Variants in OSBPL5 observed in about 807,000 individuals in gnomAD.
OSBPL5 encodes oxysterol binding protein like 5.
OSBPL5 carries 71 observed loss-of-function variants against 111.2 expected under a neutral mutation model. That is an observed-to-expected ratio of 0.64 (90% CI 0.53 to 0.78). The LOEUF is 0.78. Among genes scored for constraint, OSBPL5 ranks in the 30% least tolerant of loss-of-function variants. The pLI, the probability that OSBPL5 is intolerant of heterozygous loss-of-function variation, is 0.00. For missense variants in OSBPL5, 1,210 were observed against 1,189.3 expected (o/e 1.02, Z -0.26); for synonymous variants, 549 against 513.9 (o/e 1.07, Z -0.93).
intron 3 of OSBPL5, among the ~76,000 whole-genome samples, chr11:3,123,803 T>G (rs950211722): frequency 6.6e-6 from 1 of 152,202 alleles, no homozygotes; most frequent in Non-Finnish European, 1.5e-5. Flanking sequence ...TCTCCAGCCA[T>G]GCATAAGGTG....
At chr11:3,098,796 A>T (rs1857364068) in intron 14 of OSBPL5, among the ~76,000 whole-genome samples, 1 of 149,932 alleles carries the variant, frequency 6.7e-6, no homozygotes, top group South Asian at 2.1e-4. Context: ...TGAGCCACTG[A>T]GCCCAGCAAA....
At chr11:3,118,036 C>T (rs1341117249) in intron 7 of OSBPL5, among the ~76,000 whole-genome samples, 1 of 152,194 alleles carries the variant, frequency 6.6e-6, no homozygotes, top group African/African-American at 2.4e-5. Context: ...AATGAGCTTT[C>T]CTAATAACTT....
chr11:3,155,751 T>C (rs990821676), intron 1 of OSBPL5, among the ~76,000 whole-genome samples: 2 of 152,252 alleles, frequency 1.3e-5, no homozygotes, highest in Admixed American at 1.3e-4. Context: ...TTCACTTCCA[T>C]TTAACCCAGC....
At chr11:3,153,550 C>T (rs550344831) in intron 1 of OSBPL5, among the ~76,000 whole-genome samples, 259 of 152,278 alleles carry the variant, frequency 1.7e-3, no homozygotes, top group African/African-American at 5.8e-3. Context: ...GGGCTGATGA[C>T]GCCAGCACCG....
intron 10 of OSBPL5, among the ~76,000 whole-genome samples, chr11:3,103,848 T>A (rs185880870): frequency 0.021 from 1,148 of 54,860 alleles, 27 homozygotes; most frequent in South Asian, 0.038. Flanking sequence ...CTGCAGCCCC[T>A]TTCCAGTCTG....
chr11:3,145,948 G>A (rs911930231), intron 1 of OSBPL5, among the ~76,000 whole-genome samples: 10 of 152,112 alleles, frequency 6.6e-5, no homozygotes, highest in African/African-American at 2.2e-4. Flanking sequence ...ACATCCTCCC[G>A]GGGTCACAAT....
intron 7 of OSBPL5, among the ~76,000 whole-genome samples, chr11:3,114,402 C>T (rs1350239533): frequency 1.3e-5 from 2 of 151,654 alleles, no homozygotes; most frequent in Admixed American, 1.3e-4. Flanking sequence ...GAGGGATGTT[C>T]AGGACAAACC....
At position 3,154,359 on chromosome 11, in the gene OSBPL5, C is replaced by T. The variant is rs1055984855; in HGVS notation, c.-22+10857G>A. Among the ~76,000 whole-genome samples, 2 of 152,228 alleles carry T rather than the reference C, an allele frequency of 1.3e-5. No individual in the cohort carries two copies. The highest frequency in any genetic ancestry group is 6.5e-5 in the Admixed American group (1 of 15,286). ...ATCCTGGCCTCCCCGCCCACTTTGCCGGTGGGACAGAGTGGCTGACGGCGT... is the reference window on the plus strand; with the variant it reads ...ATCCTGGCCTCCCCGCCCACTTTGCTGGTGGGACAGAGTGGCTGACGGCGT... On this transcript the variant is annotated intron_variant, in intron 1 of 21. Transcript: ENST00000263650. This position sits in a 1 kb window ranked among gnomAD's most constrained non-coding sequence, Gnocchi z 4.9.
At chr11:3,122,545 C>A in intron 3 of OSBPL5, 117 bp from the exon 4 acceptor site, 2 of 859,814 alleles carry the variant, frequency 2.3e-6, no homozygotes, top group East Asian at 2.7e-5. Context: ...GCGCTCCACT[C>A]GTTTCCCGCC....
In OSBPL5 at chr11:3,093,803, C is replaced by T; in HGVS notation, c.1752G>A (p.Gln584=). The T allele has an allele frequency of 6.2e-7, 1 of 1,612,948 alleles. No homozygotes were observed. The highest frequency in any genetic ancestry group is 8.5e-7 in the Non-Finnish European group (1 of 1,180,006). Residue 584 remains glutamine (Q), a synonymous_variant, in exon 16 of 22, where the codon CAG becomes CAA. Transcript: ENST00000263650. ...PFFGGSTSIN[Q]ISGKITSGEE... ...CTCCCGACGTGATCTTTCCCGAGAT[C>T]TGGTTGATGCTGGTGCTACCCCCGA...
In OSBPL5 at chr11:3,126,745, G is replaced by A. The variant is rs1214290918; in HGVS notation, c.137-190C>T. Reference sequence around the variant, plus strand: ...AATAAACGCCAGCAAGCGTCACTGTGGGAGGAGTGTGCCAGGAGAACTGGC... The same window carrying A: ...AATAAACGCCAGCAAGCGTCACTGTAGGAGGAGTGTGCCAGGAGAACTGGC... On this transcript the variant is annotated intron_variant, in intron 2 of 21. Transcript: ENST00000263650. The surrounding 1 kb of genome is among the most constrained non-coding windows in gnomAD (Gnocchi z 6.5). The A allele has an allele frequency of 8.1e-6, 4 of 492,664 alleles. No individual in the cohort carries two copies. The highest frequency in any genetic ancestry group is 1.5e-5 in the Non-Finnish European group (4 of 274,580). 30.5% of individuals were successfully genotyped at this position (492,664 alleles called of 1,614,324 possible). A position where few individuals can be genotyped will look rare whatever the true frequency, so the allele number is the denominator to read the frequency against.
Position 3,143,976 on chromosome 11 carries a change from C to G in OSBPL5, c.-21-14807G>C, listed in dbSNP as rs975997696. 1.2e-4 allele frequency among the ~76,000 whole-genome samples: 18 copies of G among 152,306 alleles called. 1 individual carries two copies. Among genetic ancestry groups the G allele is most frequent in the Middle Eastern group, 6.8e-3 (2 of 294 alleles). ...TGGGGTGGACACTGGGTTTGGGTAG[C>G]AGGACAGAGGGTCGATGGCCTCAAG... On this transcript the variant is annotated intron_variant, in intron 1 of 21. Transcript: ENST00000263650.
intron 10 of OSBPL5, among the ~76,000 whole-genome samples, chr11:3,103,801 CAG>C (rs1564830282): frequency 2.6e-4 from 12 of 46,758 alleles, no homozygotes; most frequent in Non-Finnish European, 6.4e-4. Flanking sequence ...CCTGCCTCTG[CAG>C]CCCTCTTCCT....
Position 3,092,116 on chromosome 11 carries a change from G to C in OSBPL5, c.2259+316C>G, listed in dbSNP as rs1056892117. 6.6e-6 allele frequency among the ~76,000 whole-genome samples: 1 copy of C among 152,136 alleles called. No individual in the cohort carries two copies. The highest frequency in any genetic ancestry group is 1.5e-5 in the Non-Finnish European group (1 of 68,024). On this transcript the variant is annotated intron_variant, in intron 19 of 21. Coordinates refer to ENST00000263650, the MANE Select transcript of OSBPL5 (RefSeq NM_020896.4). This position sits in a 1 kb window ranked among gnomAD's most constrained non-coding sequence, Gnocchi z 5.4. Reference sequence around the variant, plus strand: ...CCTGGGAAGGGCCCTGGGCTGCCCTGACCTTCTGTTTCCTGATCAGTGGAA... The same window carrying C: ...CCTGGGAAGGGCCCTGGGCTGCCCTCACCTTCTGTTTCCTGATCAGTGGAA...
At chr11:3,131,474 GTCCA>G (rs1325350040) in intron 1 of OSBPL5, among the ~76,000 whole-genome samples, 2 of 100,538 alleles carry the variant, frequency 2.0e-5, no homozygotes, top group South Asian at 3.4e-4. Context: ...CCACCCATTC[GTCCA>G]TCCATCCATC....
At chr11:3,112,012 CGCATGTGTGTGCATGTGTGT>C (rs1564837230) in intron 7 of OSBPL5, among the ~76,000 whole-genome samples, 69 of 114,222 alleles carry the variant, frequency 6.0e-4, no homozygotes, top group Admixed American at 1.5e-3. Context: ...TGTGTGTGCG[CGCATGTGTGTGCATGTGTGT>C]GTATGTGTGC....
At chr11:3,088,919 G>A (rs1314623293) in intron 21 of OSBPL5, among the ~76,000 whole-genome samples, 1 of 152,036 alleles carries the variant, frequency 6.6e-6, no homozygotes, top group Admixed American at 6.5e-5. Context: ...GGGAGTAGAC[G>A]CGCTGTCCGA....
intron 2 of OSBPL5, 100 bp downstream of exon 2, chr11:3,128,913 G>T: frequency 9.0e-7 from 1 of 1,108,840 alleles, no homozygotes. Context: ...CAGCATGGAA[G>T]CTGTGGACCT....
intron 7 of OSBPL5, among the ~76,000 whole-genome samples, chr11:3,112,539 A>C (rs1210142760): frequency 2.1e-5 from 3 of 146,286 alleles, no homozygotes. Flanking sequence ...TGGGCTTTTA[A>C]GGAAGAGTGT....
Sources: gnomAD v4.1 joint callset for allele counts (sites outside exome capture counted in the v4.1 genomes callset) on GRCh38, gnomAD v4.1.1 for gene constraint, Gnocchi (gnomAD v3.1) non-coding constraint, MANE v1.5 for transcripts, NCBI Gene and HGNC (gene_info 2026-07-23, HGNC 2026-07-21) for gene names.